Variants in DSCC1 observed in about 807,000 individuals in gnomAD.
DSCC1 encodes sister chromatid cohesion protein DCC1.
Under a neutral mutation model 48.2 loss-of-function variants are expected in DSCC1, and 32 were observed. The ratio of observed to expected loss-of-function variants is 0.66; its 90% confidence interval spans 0.50 to 0.89. The LOEUF is 0.89. DSCC1 is among the 40% of genes least tolerant of loss of function. The pLI, the probability that DSCC1 is intolerant of heterozygous loss-of-function variation, is 0.00. For synonymous variants in DSCC1, 150 were observed against 171.5 expected, an observed-to-expected ratio of 0.87 and a Z score of 0.98; for missense variants, 421 against 471.7, an observed-to-expected ratio of 0.89 and a Z score of 1.00.
chr8:119,853,402 C>T lies in DSCC1; in HGVS notation c.183-187G>A, dbSNP rs138999086. ...TTGGGCCAACTGAGAGCCACACAGA[C>T]GCCCCACCCAGAGCCTCATTAAGGA... On this transcript the variant is annotated intron_variant, in intron 1 of 8. Coordinates refer to ENST00000313655, the MANE Select transcript of DSCC1 (RefSeq NM_024094.3). 1.2e-4 allele frequency among the ~76,000 whole-genome samples: 19 copies of T among 152,280 alleles called. No homozygotes were observed. In the East Asian group the frequency reaches 1.9e-3, roughly 15 times the overall value.
Position 119,850,469 on chromosome 8 carries a change from G to A in DSCC1, c.399C>T (p.Pro133=), listed in dbSNP as rs751170092. Residue 133 remains proline, a synonymous_variant, in exon 3 of 9, where the codon CCC becomes CCT. Coordinates refer to ENST00000313655, the MANE Select transcript of DSCC1 (RefSeq NM_024094.3). The stretch of plus-strand genomic sequence containing the variant: ...AAAGTTTCTTTAGCTTCTTTAACTT[G>A]GGTCTACGTCTTCTTAATTCCCAAT... ...NNYWELRRRR[P]KLKKLKKLLM... is the part of the protein sequence containing the mutation. 2.9e-5 allele frequency: 46 copies of A among 1,598,852 alleles called. No homozygotes were observed. Among genetic ancestry groups the A allele is most frequent in the Non-Finnish European group, 7.7e-6 (9 of 1,174,100 alleles).
At chr8:119,842,689 GTTC>G in intron 6 of DSCC1, 84 bp downstream of exon 6, 1 of 1,260,220 alleles carries the variant, frequency 7.9e-7, no homozygotes, top group Non-Finnish European at 1.1e-6. Flanking sequence ...CCCAGCCAGA[GTTC>G]TTATTTTTAA....
chr8:119,849,204 A>AAAAG (rs1554668071), intron 3 of DSCC1, among the ~76,000 whole-genome samples: 8 of 145,724 alleles, frequency 5.5e-5, no homozygotes, highest in African/African-American at 1.8e-4. Context: ...AAAAAAAAAA[A>AAAAG]AAGACTAGCC....
At position 119,839,695 on chromosome 8, in the gene DSCC1, C is replaced by T. The variant is rs548498095; in HGVS notation, c.925-1288G>A. 5.3e-5 allele frequency: 8 copies of T among 152,318 alleles called. No individual in the cohort carries two copies. The East Asian group carries it at 1.5e-3, about 29-fold the overall frequency. 9.4% of individuals were successfully genotyped at this position (152,318 alleles called of 1,614,324 possible). A position where few individuals can be genotyped will look rare whatever the true frequency, so the allele number is the denominator to read the frequency against. ...AGCTTTCTAGAAAGAGTTGAAAGTC[C>T]TTAGCGCAGTCCACAGTGTCCTTAC... On this transcript the variant is annotated intron_variant, in intron 7 of 8. Coordinates refer to ENST00000313655, the MANE Select transcript of DSCC1 (RefSeq NM_024094.3).
chr8:119,849,230 A>G (rs1826909846), intron 3 of DSCC1, among the ~76,000 whole-genome samples: 1 of 141,694 alleles, frequency 7.1e-6, no homozygotes, highest in African/African-American at 2.6e-5. Flanking sequence ...AACATGGTGA[A>G]ACCCCATGTC....
chr8:119,843,067 T>A (rs1411606389), intron 5 of DSCC1, among the ~76,000 whole-genome samples: 1 of 152,146 alleles, frequency 6.6e-6, no homozygotes, highest in Non-Finnish European at 1.5e-5. Flanking sequence ...AATTTATTAT[T>A]ATAAAATAGC....
At chr8:119,843,819 CA>C in intron 4 of DSCC1, 72 bp from the exon 5 acceptor site, 1 of 1,477,500 alleles carries the variant, frequency 6.8e-7, no homozygotes, top group Non-Finnish European at 9.1e-7. Context: ...CTCTGTCACC[CA>C]AGCTGGAGTT....
intron 3 of DSCC1, among the ~76,000 whole-genome samples, chr8:119,848,226 T>C (rs545688472): frequency 3.9e-5 from 6 of 152,120 alleles, no homozygotes; most frequent in Admixed American, 2.0e-4. Context: ...CCCTCCTAAA[T>C]TGCTGGGATT....
intron 2 of DSCC1, among the ~76,000 whole-genome samples, chr8:119,851,604 A>C (rs973330192): frequency 6.6e-5 from 10 of 152,304 alleles, no homozygotes; most frequent in Admixed American, 4.6e-4. Context: ...ACTTGGAAAA[A>C]ATAAATCAAA....
chr8:119,854,649 T>G (rs1043272799), intron 1 of DSCC1, among the ~76,000 whole-genome samples: 3 of 138,664 alleles, frequency 2.2e-5, no homozygotes, highest in Non-Finnish European at 4.6e-5. Flanking sequence ...TATTTTTTTG[T>G]TTTTGTTTTG....
intron 8 of DSCC1, among the ~76,000 whole-genome samples, chr8:119,837,102 A>G (rs567162959): frequency 2.0e-5 from 3 of 152,322 alleles, no homozygotes; most frequent in South Asian, 4.1e-4. Context: ...TGTAAAAGGC[A>G]TTTTCTTATG....
intron 3 of DSCC1, 53 bp from the exon 4 acceptor site, chr8:119,847,133 A>T: frequency 6.7e-7 from 1 of 1,484,662 alleles, no homozygotes; most frequent in Non-Finnish European, 9.2e-7. Flanking sequence ...TTGTTTTTAG[A>T]TTTCTTGCTG....
At chr8:119,846,808 C>T (rs1193230642) in intron 4 of DSCC1, among the ~76,000 whole-genome samples, 182 bp downstream of exon 4, 2 of 152,240 alleles carry the variant, frequency 1.3e-5, no homozygotes, top group Non-Finnish European at 2.9e-5. Flanking sequence ...ATCTGCCCGC[C>T]TCAGCTTCCC....
At chr8:119,849,122 T>C (rs1402154962) in intron 3 of DSCC1, among the ~76,000 whole-genome samples, 1 of 144,456 alleles carries the variant, frequency 6.9e-6, no homozygotes, top group Non-Finnish European at 1.5e-5. Context: ...GAGGCGGAGC[T>C]TGCAGTGAGC....
chr8:119,843,495 C>T, intron 5 of DSCC1, 114 bp downstream of exon 5: 1 of 1,399,252 alleles, frequency 7.1e-7, no homozygotes, highest in Non-Finnish European at 9.6e-7. Context: ...AAACATTTCT[C>T]AAAGATATCA....
At position 119,834,290 on chromosome 8, in the gene DSCC1, G is replaced by A. The variant is rs1826630340; in HGVS notation, c.*603C>T. The A allele has an allele frequency of 2.0e-5, 3 of 152,364 alleles. No homozygotes were observed. Among genetic ancestry groups the A allele is most frequent in the East Asian group, 1.9e-4 (1 of 5,188 alleles). The allele number at this position is 152,364 out of a possible 1,614,324, so 9.4% of individuals were successfully genotyped here. A position where few individuals can be genotyped will look rare whatever the true frequency, so the allele number is the denominator to read the frequency against. ...GAAATTACTTGAAGTTTTCGAGTGA[G>A]CATTGCCTGTGCCAGTATTCTTCAT... On this transcript the variant is annotated 3_prime_UTR_variant, in exon 9 of 9. Transcript: ENST00000313655.
chr8:119,847,231 A>T, intron 3 of DSCC1, 151 bp from the exon 4 acceptor site: 1 of 644,626 alleles, frequency 1.6e-6, no homozygotes, highest in Non-Finnish European at 2.6e-6. Flanking sequence ...TGATTTCTAC[A>T]CAAAATCAAT....
chr8:119,850,594 TG>T, intron 2 of DSCC1, 78 bp from the exon 3 acceptor site: 1 of 1,293,330 alleles, frequency 7.7e-7, no homozygotes, highest in South Asian at 1.7e-5. Flanking sequence ...CTAATCAATC[TG>T]CCCCCTCAAC....
intron 7 of DSCC1, among the ~76,000 whole-genome samples, chr8:119,841,148 C>T (rs1826762769): frequency 6.6e-6 from 1 of 151,938 alleles, no homozygotes; most frequent in Admixed American, 6.6e-5. Flanking sequence ...CCTGCCACCA[C>T]ACATGGCTAA....
Sources: gnomAD v4.1 joint callset for allele counts (sites outside exome capture counted in the v4.1 genomes callset) on GRCh38, gnomAD v4.1.1 for gene constraint, MANE v1.5 for transcripts, NCBI Gene and HGNC (gene_info 2026-07-23, HGNC 2026-07-21) for gene names.